Variants in ADCY8 observed in about 807,000 individuals in gnomAD.
ADCY8 encodes the protein adenylate cyclase type 8.
A neutral mutation model predicts 119.7 loss-of-function variants in ADCY8; 51 were observed. That is an observed-to-expected ratio of 0.43 (90% CI 0.34 to 0.54). The LOEUF (loss-of-function observed/expected upper bound fraction) is 0.54, where lower values mean the gene tolerates loss of function less well. ADCY8 is among the 20% of genes least tolerant of loss of function. The pLI, the probability that ADCY8 is intolerant of heterozygous loss-of-function variation, is 0.03. For synonymous variants in ADCY8, 665 were observed against 651.0 expected, an observed-to-expected ratio of 1.02 and a Z score of -0.33; for missense variants, 1,383 against 1,598.8, an observed-to-expected ratio of 0.87 and a Z score of 2.30.
At chr8:130,879,940 C>T (rs532155136) in intron 8 of ADCY8, among the ~76,000 whole-genome samples, 22 of 152,240 alleles carry the variant, frequency 1.4e-4, no homozygotes, top group African/African-American at 4.3e-4. Flanking sequence ...CCCAGTGGGG[C>T]GATGACTGAA....
intron 9 of ADCY8, among the ~76,000 whole-genome samples, chr8:130,861,458 GTTTC>G (rs140112004): frequency 0.067 from 10,134 of 152,062 alleles, 728 homozygotes; most frequent in African/African-American, 0.18. Flanking sequence ...AAATAATATT[GTTTC>G]TTTAATTTCA....
Position 130,780,634 on chromosome 8 carries a change from A to G in ADCY8, c.3512T>C (p.Leu1171Pro). 1 of 1,614,176 alleles carries G rather than the reference A, an allele frequency of 6.2e-7. No individual in the cohort carries two copies. Among genetic ancestry groups the G allele is most frequent in the Non-Finnish European group, 8.5e-7 (1 of 1,180,004 alleles). Residue 1171 changes from leucine to proline, a missense_variant, in exon 18 of 18, where the codon CTG becomes CCG. Leu to Pro is a moderately conservative substitution (Grantham distance 98). Transcript: ENST00000286355. The stretch of plus-strand genomic sequence containing the variant: ...GAATGGGTTGGGTTGGACTCTTCCC[A>G]GAAGAAAGTACGTTTTGATTTTTCC... ...QEGKIKTYFL[L>P]GRVQPNPFIL... is the part of the protein sequence containing the mutation.
chr8:130,840,220 A>T (rs1015669825), intron 11 of ADCY8, among the ~76,000 whole-genome samples: 1 of 138,764 alleles, frequency 7.2e-6, no homozygotes, highest in East Asian at 2.3e-4. Context: ...GTGAGCAATG[A>T]CATAAATGAG....
intron 15 of ADCY8, among the ~76,000 whole-genome samples, chr8:130,795,210 CT>C (rs1190585390): frequency 6.6e-6 from 1 of 152,196 alleles, no homozygotes; most frequent in Non-Finnish European, 1.5e-5. Context: ...CTGAGTGGCA[CT>C]TTGAGCTTAG....
chr8:130,862,856 A>G (rs1360546465), intron 9 of ADCY8, among the ~76,000 whole-genome samples: 1 of 152,306 alleles, frequency 6.6e-6, no homozygotes, highest in East Asian at 1.9e-4. Flanking sequence ...CTGAGAACAT[A>G]CTTTGTGTTA....
Position 131,040,474 on chromosome 8 carries a change from C to T in ADCY8, c.-141G>A. On this transcript the variant is annotated 5_prime_UTR_variant, in exon 1 of 18. Transcript: ENST00000286355. ...GCTGCCCCGTTGCAGGAGCCCTGCGCTAGGGCTCCCTGTAGGTCGGGTCAT... is the reference window on the plus strand; with the variant it reads ...GCTGCCCCGTTGCAGGAGCCCTGCGTTAGGGCTCCCTGTAGGTCGGGTCAT... 9.4e-7 allele frequency: 1 copy of T among 1,059,914 alleles called. No individual in the cohort carries two copies. Among genetic ancestry groups the T allele is most frequent in the Non-Finnish European group, 1.3e-6 (1 of 798,614 alleles). The allele number at this position is 1,059,914 out of a possible 1,614,324, so 65.7% of individuals were successfully genotyped here.
chr8:130,952,058 G>A, intron 2 of ADCY8, 60 bp from the exon 3 acceptor site: 1 of 1,596,070 alleles, frequency 6.3e-7, no homozygotes, highest in Non-Finnish European at 8.6e-7. Flanking sequence ...AGATGGGAGG[G>A]TGGAGGGTGG....
chr8:130,791,460 A>G (rs1815424170), intron 15 of ADCY8, among the ~76,000 whole-genome samples: 1 of 152,268 alleles, frequency 6.6e-6, no homozygotes, highest in Non-Finnish European at 1.5e-5. Flanking sequence ...GGTTTAAGAA[A>G]TTGCTTACGA....
chr8:130,840,955 TA>T (rs1209828552), intron 11 of ADCY8, among the ~76,000 whole-genome samples: 1 of 151,890 alleles, frequency 6.6e-6, no homozygotes, highest in Admixed American at 6.6e-5. Context: ...TTTTTACCGT[TA>T]AAAAAAATTG....
intron 1 of ADCY8, among the ~76,000 whole-genome samples, chr8:130,992,970 C>G (rs1563759405): frequency 6.6e-6 from 1 of 151,874 alleles, no homozygotes; most frequent in Non-Finnish European, 1.5e-5. Context: ...AATCCAAATG[C>G]TAAAAAAACA....
intron 4 of ADCY8, among the ~76,000 whole-genome samples, chr8:130,938,095 A>G (rs1182412455): frequency 6.6e-6 from 1 of 152,196 alleles, no homozygotes; most frequent in African/African-American, 2.4e-5. Flanking sequence ...TAGCATGGGG[A>G]GCCAAGGGCA....
intron 5 of ADCY8, among the ~76,000 whole-genome samples, chr8:130,922,665 C>G (rs975755557): frequency 1.3e-5 from 2 of 152,200 alleles, no homozygotes; most frequent in African/African-American, 4.8e-5. Context: ...CACCTTCCCC[C>G]CTTTCTATTC....
At chr8:130,917,093 A>G (rs1820152167) in intron 5 of ADCY8, among the ~76,000 whole-genome samples, 1 of 152,168 alleles carries the variant, frequency 6.6e-6, no homozygotes, top group South Asian at 2.1e-4. Flanking sequence ...TCAATATTAT[A>G]AATTTTGATT....
chr8:130,896,787 T>C (rs2130502486), intron 7 of ADCY8, among the ~76,000 whole-genome samples: 1 of 152,268 alleles, frequency 6.6e-6, no homozygotes, highest in Non-Finnish European at 1.5e-5. Flanking sequence ...GTGTAGCTGT[T>C]ACCCTACAGT....
At chr8:131,006,507 G>GACTT (rs1823123283) in intron 1 of ADCY8, among the ~76,000 whole-genome samples, 1 of 152,112 alleles carries the variant, frequency 6.6e-6, no homozygotes, top group South Asian at 2.1e-4. Context: ...TTTTCCCCAT[G>GACTT]ACTTACTATT....
At chr8:130,867,730 T>C (rs1352747876) in intron 9 of ADCY8, 116 bp downstream of exon 9, 3 of 591,660 alleles carry the variant, frequency 5.1e-6, no homozygotes. Flanking sequence ...CATTTTGGTA[T>C]GCGTCCTGGA....
At chr8:130,922,076 C>T (rs1265595020) in intron 5 of ADCY8, among the ~76,000 whole-genome samples, 2 of 152,128 alleles carry the variant, frequency 1.3e-5, no homozygotes, top group African/African-American at 4.8e-5. Context: ...CACTCAACCC[C>T]TCATCATAAG....
chr8:130,924,312 A>G (rs1320185680), intron 5 of ADCY8, among the ~76,000 whole-genome samples: 1 of 152,158 alleles, frequency 6.6e-6, no homozygotes, highest in Non-Finnish European at 1.5e-5. Context: ...AAGCTAAGGA[A>G]TCTGAGAGTG....
intron 9 of ADCY8, among the ~76,000 whole-genome samples, chr8:130,861,390 T>C (rs1817923624): frequency 6.6e-6 from 1 of 152,210 alleles, no homozygotes; most frequent in Non-Finnish European, 1.5e-5. Flanking sequence ...GTTTTGAAGA[T>C]TTCTTGTACA....
Sources: gnomAD v4.1 joint callset for allele counts (sites outside exome capture counted in the v4.1 genomes callset) on GRCh38, gnomAD v4.1.1 for gene constraint, MANE v1.5 for transcripts, NCBI Gene and HGNC (gene_info 2026-07-23, HGNC 2026-07-21) for gene names.